SLC7A2: variants seen among roughly 807,000 people sequenced by gnomAD.
The protein encoded by SLC7A2 is cationic amino acid transporter 2.
Under a neutral mutation model 58.9 loss-of-function variants are expected in SLC7A2, and 48 were observed. The observed-to-expected ratio is 0.82, with a 90% confidence interval of 0.65 to 1.04. SLC7A2 has a LOEUF of 1.04. Ranked by LOEUF, SLC7A2 falls within the 50% of genes least tolerant of loss-of-function variation. The probability of loss-of-function intolerance (pLI) is 0.00; values close to 1 mark genes in which losing one functional copy is unlikely to be tolerated. For synonymous variants in SLC7A2, 363 were observed against 314.5 expected (o/e 1.15, Z -1.63); for missense variants, 1,029 against 818.8 (o/e 1.26, Z -3.13).
intron 2 of SLC7A2, among the ~76,000 whole-genome samples, chr8:17,503,903 G>A (rs1377147631): frequency 6.6e-6 from 1 of 152,124 alleles, no homozygotes; most frequent in Non-Finnish European, 1.5e-5. Context: ...TGAGTTCTGG[G>A]GAAACCTAGA....
At chr8:17,559,208 A>G (rs1445215886) in intron 9 of SLC7A2, among the ~76,000 whole-genome samples, 1 of 152,234 alleles carries the variant, frequency 6.6e-6, no homozygotes, top group African/African-American at 2.4e-5. Flanking sequence ...TAGGAGGAGA[A>G]GCAGGCTTGT....
In SLC7A2 at chr8:17,568,768, G is replaced by T. The variant is rs143922403; in HGVS notation, c.*3622G>T. The T allele has an allele frequency of 2.6e-5, 4 of 151,684 alleles. No homozygotes were observed. The highest frequency in any genetic ancestry group is 9.7e-5 in the African/African-American group (4 of 41,234). The allele number at this position is 151,684 out of a possible 1,614,324, so 9.4% of individuals were successfully genotyped here. A position where few individuals can be genotyped will look rare whatever the true frequency, so the allele number is the denominator to read the frequency against. On this transcript the variant is annotated 3_prime_UTR_variant, in exon 13 of 13. Coordinates refer to ENST00000494857, the MANE Select transcript of SLC7A2 (RefSeq NM_001370338.1). ...CGCTTGAGCCCAGGAGTTTAAGACC[G>T]GCCTGAGTAGCATAGCAAGACCCTG... is the stretch of plus-strand genomic sequence containing the variant.
At chr8:17,523,343 C>T (rs1172978826) in intron 2 of SLC7A2, among the ~76,000 whole-genome samples, 1 of 152,164 alleles carries the variant, frequency 6.6e-6, no homozygotes, top group Non-Finnish European at 1.5e-5. Context: ...CTGGAGGCAT[C>T]ATATTACCTG....
chr8:17,568,658 AGTT>A lies in SLC7A2; in HGVS notation c.*3516_*3518del, dbSNP rs1210982781. On this transcript the variant is annotated 3_prime_UTR_variant, in exon 13 of 13. Coordinates refer to ENST00000494857, the MANE Select transcript of SLC7A2 (RefSeq NM_001370338.1). ...TTTTAAGTCCTGAGTGCTTACAGGT[AGTT>A]GTTAAAAAAATTTTAAGGCCAGGCA... 1 of 152,168 alleles carries A rather than the reference AGTT, an allele frequency of 6.6e-6. No homozygotes were observed. The highest frequency in any genetic ancestry group is 1.5e-5 in the Non-Finnish European group (1 of 68,044). 9.4% of individuals were successfully genotyped at this position (152,168 alleles called of 1,614,324 possible). A position where few individuals can be genotyped will look rare whatever the true frequency, so the allele number is the denominator to read the frequency against.
At chr8:17,542,377 A>G (rs544122336) in intron 2 of SLC7A2, among the ~76,000 whole-genome samples, 7 of 152,284 alleles carry the variant, frequency 4.6e-5, no homozygotes, top group Admixed American at 2.6e-4. Flanking sequence ...TGGGCCAGGC[A>G]TGGTGGTTCA....
chr8:17,509,995 G>A (rs1800536550), intron 2 of SLC7A2, among the ~76,000 whole-genome samples: 1 of 152,068 alleles, frequency 6.6e-6, no homozygotes, highest in African/African-American at 2.4e-5. Context: ...CAAGGCAGGT[G>A]GATCACTTGA....
chr8:17,548,842 A>G lies in SLC7A2; in HGVS notation c.697A>G (p.Arg233Gly). Residue 233 changes from arginine to glycine, a missense_variant and splice_region_variant, in exon 5 of 13, where the codon AGA (arginine) becomes GGA (glycine). Arg to Gly is a moderately radical substitution (Grantham distance 125). Coordinates refer to ENST00000494857, the MANE Select transcript of SLC7A2 (RefSeq NM_001370338.1). ...EFLKNISASA[R>G]EPPSENGTSI... ...TCTCAAAAATATATCAGCAAGTGCC[A>G]GGTAAAATATTTGAGGTTTTTTTTT... 1.3e-6 allele frequency: 2 copies of G among 1,550,948 alleles called. No homozygotes were observed. Among genetic ancestry groups the G allele is most frequent in the Non-Finnish European group, 1.7e-6 (2 of 1,159,936 alleles).
chr8:17,543,705 G>C lies in SLC7A2; in HGVS notation c.366G>C (p.Ser122=). The change falls in exon 3 of 13, where the codon TCG becomes TCC. Residue 122 remains serine (S), a synonymous_variant. Coordinates refer to ENST00000494857, the MANE Select transcript of SLC7A2 (RefSeq NM_001370338.1). ...AFITGWNLIL[S]YVIGTSSVAR... is the part of the protein sequence containing the mutation. ...TCACTGGCTGGAATCTCATTTTATC[G>C]TATGTGATAGGTATGTTTCAAAAAG... 6.6e-7 allele frequency: 1 copy of C among 1,518,318 alleles called. No homozygotes were observed. Among genetic ancestry groups the C allele is most frequent in the Non-Finnish European group, 8.8e-7 (1 of 1,134,554 alleles). 94.1% of individuals were successfully genotyped at this position (1,518,318 alleles called of 1,614,324 possible). A position where few individuals can be genotyped will look rare whatever the true frequency, so the allele number is the denominator to read the frequency against.
chr8:17,564,713 T>C (rs560221159), intron 12 of SLC7A2, among the ~76,000 whole-genome samples: 3 of 152,124 alleles, frequency 2.0e-5, no homozygotes, highest in Non-Finnish European at 1.5e-5. Flanking sequence ...ATGTTCACAA[T>C]GGGGAGTGGC....
chr8:17,541,030 A>G (rs1801889878), intron 2 of SLC7A2, among the ~76,000 whole-genome samples: 2 of 152,308 alleles, frequency 1.3e-5, no homozygotes, highest in South Asian at 4.1e-4. Context: ...CCGGAGTTGT[A>G]TATGACATGT....
chr8:17,502,234 A>T (rs1021876022), intron 1 of SLC7A2, 23 bp from the exon 2 acceptor site: 4 of 151,780 alleles, frequency 2.6e-5, no homozygotes, highest in African/African-American at 9.7e-5. Flanking sequence ...TTTAGTTATC[A>T]CTCCCATCAT....
intron 2 of SLC7A2, among the ~76,000 whole-genome samples, chr8:17,526,849 G>C (rs1012750924): frequency 1.3e-5 from 2 of 152,114 alleles, no homozygotes; most frequent in African/African-American, 4.8e-5. Context: ...TATTACACTG[G>C]CGAATTTGGA....
In SLC7A2 at chr8:17,550,033, C is replaced by T. The variant is rs942215483; in HGVS notation, c.699-268C>T. Among the ~76,000 whole-genome samples, 6 of 152,290 alleles carry T rather than the reference C, an allele frequency of 3.9e-5. 1 individual carries two copies. The highest frequency in any genetic ancestry group is 1.2e-4 in the African/African-American group (5 of 41,556). On this transcript the variant is annotated intron_variant, in intron 5 of 12. Coordinates refer to ENST00000494857, the MANE Select transcript of SLC7A2 (RefSeq NM_001370338.1). Reference sequence around the variant, plus strand: ...TCTCTGCTCTCAAAATCCTCCCTGGCTGTGGGTTCAGCTGGAGCAGGTCTG... The same window carrying T: ...TCTCTGCTCTCAAAATCCTCCCTGGTTGTGGGTTCAGCTGGAGCAGGTCTG...
intron 2 of SLC7A2, among the ~76,000 whole-genome samples, chr8:17,524,424 A>AC (rs1358850743): frequency 6.9e-4 from 76 of 110,348 alleles, no homozygotes; most frequent in Non-Finnish European, 1.6e-4. Context: ...GTGTGTGTAC[A>AC]CACACACACA....
chr8:17,528,800 AT>A (rs1194453262), intron 2 of SLC7A2, among the ~76,000 whole-genome samples: 1 of 152,136 alleles, frequency 6.6e-6, no homozygotes, highest in Non-Finnish European at 1.5e-5. Flanking sequence ...ACTTTTCTTT[AT>A]TTGTTCTTAG....
At chr8:17,520,373 G>A (rs1032233104) in intron 2 of SLC7A2, among the ~76,000 whole-genome samples, 3 of 152,076 alleles carry the variant, frequency 2.0e-5, no homozygotes, top group African/African-American at 7.2e-5. Flanking sequence ...GGGTGCAGTG[G>A]CTCATGCCTG....
chr8:17,495,579 T>G (rs894400021), upstream of SLC7A2, among the ~76,000 whole-genome samples: 1 of 152,242 alleles, frequency 6.6e-6, no homozygotes, highest in African/African-American at 2.4e-5. Flanking sequence ...AGACGGAATC[T>G]CACTCTGTCG....
chr8:17,495,466 G>A (rs1261195866), upstream of SLC7A2, among the ~76,000 whole-genome samples: 1 of 152,174 alleles, frequency 6.6e-6, no homozygotes, highest in East Asian at 1.9e-4. Flanking sequence ...AGTTTACTTT[G>A]ACAGTCTCTA....
At chr8:17,550,536 G>C in intron 6 of SLC7A2, 102 bp downstream of exon 6, 1 of 1,091,358 alleles carries the variant, frequency 9.2e-7, no homozygotes, top group Non-Finnish European at 1.3e-6. Flanking sequence ...AGGGATTTCG[G>C]GTAAGAAGGG....
Sources: allele counts gnomAD v4.1 joint callset (sites outside exome capture counted in the v4.1 genomes callset), GRCh38; gene constraint gnomAD v4.1.1; transcripts MANE v1.5; gene names NCBI Gene and HGNC (gene_info 2026-07-23, HGNC 2026-07-21).